The following NDRG2 variants were observed in gnomAD, a reference collection of about 807,000 sequenced individuals.
NDRG2 encodes the protein protein NDRG2.
In NDRG2, 34 loss-of-function variants were observed where a neutral mutation model predicts 58.2. The ratio of observed to expected loss-of-function variants is 0.58; its 90% confidence interval spans 0.44 to 0.78. NDRG2 has a LOEUF of 0.78. Ranked by LOEUF, NDRG2 falls within the 30% of genes least tolerant of loss-of-function variation. The pLI, the probability that NDRG2 is intolerant of heterozygous loss-of-function variation, is 0.00. For synonymous variants in NDRG2, 187 were observed against 175.9 expected, an observed-to-expected ratio of 1.06 and a Z score of -0.50; for missense variants, 434 against 471.2, an observed-to-expected ratio of 0.92 and a Z score of 0.73.
At chr14:21,038,129 C>T (rs1884734557) in intron 1 of NDRG2, among the ~76,000 whole-genome samples, 1 of 152,192 alleles carries the variant, frequency 6.6e-6, no homozygotes, top group Non-Finnish European at 1.5e-5. Context: ...ATAGCATCAC[C>T]TCAAACCCAG....
At chr14:21,048,629 A>T (rs1383983177) in intron 1 of NDRG2, 1 of 152,226 alleles carries the variant, frequency 6.6e-6, no homozygotes, top group Non-Finnish European at 1.5e-5. Flanking sequence ...CCACTTCACA[A>T]GAGTATAATG....
In NDRG2 at chr14:21,068,318, G is replaced by GA. The variant is rs34795666; in HGVS notation, c.24+2509dup. Among the ~76,000 whole-genome samples the GA allele has an allele frequency of 2.9e-3, 289 of 99,498 alleles. 23 individuals are homozygous for GA. Among genetic ancestry groups the GA allele is most frequent in the African/African-American group, 8.3e-3 (264 of 31,976 alleles). The allele number at this position is 99,498 out of a possible 152,430, so 65.3% of individuals were successfully genotyped here. On this transcript the variant is annotated intron_variant, in intron 1 of 14. Transcript: ENST00000403829. ...CCGGCCGGCTCCCCTTTTTCTCCAT[G>GA]AAAAAAAAAAATGATCCACTCCCTT...
chr14:21,022,513 G>A lies in NDRG2; in HGVS notation c.118-16C>T. 1 of 1,585,052 alleles carries A rather than the reference G, an allele frequency of 6.3e-7. No homozygotes were observed. Among genetic ancestry groups the A allele is most frequent in the Non-Finnish European group, 8.7e-7 (1 of 1,153,838 alleles). On this transcript the variant is annotated splice_polypyrimidine_tract_variant and intron_variant, in intron 3 of 15. Transcript: ENST00000556147. Reference sequence around the variant, plus strand: ...CAGAGTGAGTCTGCAGGAAAACAGGGCACCAAGAGCTAGGCTCAGAGGAGA... The same window carrying A: ...CAGAGTGAGTCTGCAGGAAAACAGGACACCAAGAGCTAGGCTCAGAGGAGA...
At chr14:21,061,149 G>A (rs1319977854) in intron 1 of NDRG2, among the ~76,000 whole-genome samples, 1 of 152,136 alleles carries the variant, frequency 6.6e-6, no homozygotes, top group Non-Finnish European at 1.5e-5. Context: ...TCTCCCCTAG[G>A]GTTTCATTCA....
At chr14:21,032,946 T>C (rs774336342) in intron 1 of NDRG2, 6 of 455,880 alleles carry the variant, frequency 1.3e-5, no homozygotes, top group African/African-American at 6.0e-5. Context: ...TACTCAGATG[T>C]GGTTTTAGAA....
chr14:21,025,748 G>C, upstream of NDRG2: 2 of 905,716 alleles, frequency 2.2e-6, no homozygotes, highest in Middle Eastern at 5.7e-4. The surrounding 1 kb of genome is among the most constrained non-coding windows in gnomAD (Gnocchi z 5.1). Context: ...ACAAGGCGGG[G>C]AGGTGGGGGC....
At chr14:21,033,033 G>A (rs1184644195) in intron 1 of NDRG2, 1 of 453,468 alleles carries the variant, frequency 2.2e-6, no homozygotes, top group Non-Finnish European at 4.4e-6. Flanking sequence ...GGGGGATTTG[G>A]GAGGAGCTTC....
intron 1 of NDRG2, among the ~76,000 whole-genome samples, chr14:21,069,905 G>C (rs1480320793): frequency 6.6e-6 from 1 of 152,230 alleles, no homozygotes; most frequent in Non-Finnish European, 1.5e-5. Context: ...TTCTGGGAAG[G>C]GGCGGCCCAA....
chr14:21,058,237 C>T (rs1885772217), intron 1 of NDRG2: 1 of 1,613,996 alleles, frequency 6.2e-7, no homozygotes, highest in South Asian at 1.1e-5. Flanking sequence ...CAGGGAAGTA[C>T]CCAAACTGCA....
intron 1 of NDRG2, among the ~76,000 whole-genome samples, chr14:21,053,354 G>A (rs1385698258): frequency 6.6e-6 from 1 of 152,102 alleles, no homozygotes; most frequent in Non-Finnish European, 1.5e-5. Flanking sequence ...TTGGCCGGGC[G>A]CAGTGGCTGA....
chr14:21,030,253 C>T (rs1009884540), upstream of NDRG2: 2 of 268,388 alleles, frequency 7.5e-6, no homozygotes, highest in Admixed American at 4.8e-5. Flanking sequence ...TATCTGCACA[C>T]ACTTAAATAC....
chr14:21,068,113 C>CCTCA (rs1261822792), intron 1 of NDRG2, among the ~76,000 whole-genome samples: 1 of 46,440 alleles, frequency 2.2e-5, no homozygotes, highest in African/African-American at 4.7e-5. Flanking sequence ...CATTCTCCTG[C>CCTCA]CTCAGCCTCC....
At chr14:21,030,557 T>A (rs1386685176), upstream of NDRG2, 1 of 1,609,990 alleles carries the variant, frequency 6.2e-7, no homozygotes, top group Admixed American at 1.7e-5. Flanking sequence ...CTCCCACGAC[T>A]GCCCTCCCCG....
intron 1 of NDRG2, chr14:21,030,933 C>T: frequency 6.5e-7 from 1 of 1,544,378 alleles, no homozygotes; most frequent in Non-Finnish European, 8.7e-7. Context: ...GAGGCCAAAT[C>T]TGAGTGAGGC....
chr14:21,034,085 G>A, intron 1 of NDRG2: 1 of 1,614,152 alleles, frequency 6.2e-7, no homozygotes, highest in Non-Finnish European at 8.5e-7. Flanking sequence ...GGATCTTTGG[G>A]CAATCTGAAT....
chr14:21,057,056 C>T (rs1885704645), intron 1 of NDRG2, among the ~76,000 whole-genome samples: 1 of 152,304 alleles, frequency 6.6e-6, no homozygotes, highest in Admixed American at 6.5e-5. Flanking sequence ...TTTGACTCCA[C>T]GACCTTAATA....
At chr14:21,052,588 A>G (rs1885514166) in intron 1 of NDRG2, among the ~76,000 whole-genome samples, 1 of 152,200 alleles carries the variant, frequency 6.6e-6, no homozygotes, top group Non-Finnish European at 1.5e-5. Context: ...GAATTTGGTT[A>G]GAATAGTTTG....
chr14:21,058,138 C>A (rs775506919), intron 1 of NDRG2: 3 of 1,614,168 alleles, frequency 1.9e-6, no homozygotes. Context: ...CCATCACCTG[C>A]CAGACCCCCA....
At chr14:21,058,067 A>T (rs1885761482) in intron 1 of NDRG2, 2 of 1,613,970 alleles carry the variant, frequency 1.2e-6, no homozygotes, top group African/African-American at 2.7e-5. Context: ...CATCATCAAT[A>T]AGTACACAGA....
Sources: allele counts gnomAD v4.1 joint callset (sites outside exome capture counted in the v4.1 genomes callset), GRCh38; gene constraint gnomAD v4.1.1; non-coding constraint Gnocchi (gnomAD v3.1); transcripts MANE v1.5; gene names NCBI Gene and HGNC (gene_info 2026-07-23, HGNC 2026-07-21).